Variants in TM2D2 observed in about 807,000 individuals in gnomAD.
TM2D2 encodes the protein TM2 domain-containing protein 2.
A neutral mutation model predicts 23.0 loss-of-function variants in TM2D2; 19 were observed. The observed-to-expected ratio is 0.82, with a 90% CI of 0.58 to 1.21. The LOEUF is 1.21. Ranked by LOEUF, TM2D2 falls within the 50% of genes most tolerant of loss-of-function variation. The pLI, the probability that TM2D2 is intolerant of heterozygous loss-of-function variation, is 0.00. For synonymous variants in TM2D2, 120 were observed against 108.8 expected (o/e 1.10, Z -0.64); for missense variants, 246 against 265.4 (o/e 0.93, Z 0.51).
At chr8:38,993,051 A>G (rs1835650301) in intron 3 of TM2D2, among the ~76,000 whole-genome samples, 1 of 152,182 alleles carries the variant, frequency 6.6e-6, no homozygotes, top group Admixed American at 6.5e-5. Flanking sequence ...TACTAGGGCA[A>G]TTTGCACAAG....
intron 3 of TM2D2, 101 bp from the exon 4 acceptor site, chr8:38,991,646 C>A: frequency 1.1e-6 from 1 of 870,546 alleles, no homozygotes; most frequent in Non-Finnish European, 1.8e-6. Flanking sequence ...TGCAGTGGAC[C>A]CTCTGTGGCC....
chr8:38,996,490 G>C lies in TM2D2; in HGVS notation c.-51C>G, dbSNP rs766164242. 24 of 1,609,406 alleles carry C rather than the reference G, an allele frequency of 1.5e-5. No homozygotes were observed. In the East Asian group the frequency reaches 5.1e-4, roughly 34 times the overall value. On this transcript the variant is annotated 5_prime_UTR_variant, in exon 1 of 4. Transcript: ENST00000456397. ...CGGCCTCAACCACAACCCCAGGCCA[G>C]CAGCACAGACCCAAGAACTGCGTGG... is the stretch of plus-strand genomic sequence containing the variant.
At position 38,996,254 on chromosome 8, in the gene TM2D2, T is replaced by C; in HGVS notation, c.186A>G (p.Glu62=). 1 of 1,613,864 alleles carries C rather than the reference T, an allele frequency of 6.2e-7. No individual in the cohort carries two copies. Among genetic ancestry groups the C allele is most frequent in the Non-Finnish European group, 8.5e-7 (1 of 1,179,980 alleles). ...TGACCGGAGAGTGGGGGTCGCCATA[T>C]TCCCAGCTCGCAGCACCCCCGGGGC... is the stretch of plus-strand genomic sequence containing the variant. ...PEGPGGAASW[E]YGDPHSPVIL... Residue 62 remains glutamate (E), a synonymous_variant, in exon 1 of 4, where the codon GAA becomes GAG. Coordinates refer to ENST00000456397, the MANE Select transcript of TM2D2 (RefSeq NM_078473.3).
rs1414990434 is a variant in TM2D2, at chr8:38,989,095, T to C, written c.*2237A>G. On this transcript the variant is annotated 3_prime_UTR_variant, in exon 4 of 4. Transcript: ENST00000456397. ...GTGGGCAGATGGATGATGGGTGTCA[T>C]TTACAAGTCAAATGAAAACCAGTAA... 1 of 152,228 alleles carries C rather than the reference T, an allele frequency of 6.6e-6. No homozygotes were observed. Among genetic ancestry groups the C allele is most frequent in the Non-Finnish European group, 1.5e-5 (1 of 68,036 alleles). The allele number at this position is 152,228 out of a possible 1,614,324, so 9.4% of individuals were successfully genotyped here.
rs1336508165 is a variant in TM2D2, at chr8:38,996,242, G to C, written c.198C>G (p.Pro66=). 6.2e-7 allele frequency: 1 copy of C among 1,613,762 alleles called. No individual in the cohort carries two copies. The highest frequency in any genetic ancestry group is 1.7e-5 in the Admixed American group (1 of 60,018). Residue 66 remains proline (P), a synonymous_variant, in exon 1 of 4, where the codon CCC becomes CCG. Transcript: ENST00000456397. ...GGAASWEYGD[P]HSPVILCSYL... The stretch of plus-strand genomic sequence containing the variant: ...AAGAGCAGAGGATGACCGGAGAGTG[G>C]GGGTCGCCATATTCCCAGCTCGCAG...
intron 2 of TM2D2, 128 bp from the exon 3 acceptor site, chr8:38,993,788 A>G: frequency 1.6e-6 from 1 of 611,046 alleles, no homozygotes; most frequent in Non-Finnish European, 2.9e-6. Flanking sequence ...AGGTTGAGGT[A>G]CAGCTGTGCT....
chr8:38,995,404 G>A lies in TM2D2; in HGVS notation c.229C>T (p.Pro77Ser). ...HSPVILCSYL[P>S]DEFIECEDPV... is the part of the protein sequence containing the mutation. ...TCTTCACATTCTATAAATTCATCAGGTCTGTAATTCACCAGTAAGATCATG... is the reference window on the plus strand; with the variant it reads ...TCTTCACATTCTATAAATTCATCAGATCTGTAATTCACCAGTAAGATCATG... The change falls in exon 2 of 4, where the codon CCT becomes TCT. Residue 77 changes from proline to serine, a missense_variant and splice_region_variant. Physicochemically the swap from Pro to Ser is moderately conservative, Grantham distance 74. Transcript: ENST00000456397. 1 of 1,612,306 alleles carries A rather than the reference G, an allele frequency of 6.2e-7. No individual in the cohort carries two copies. Among genetic ancestry groups the A allele is most frequent in the Non-Finnish European group, 8.5e-7 (1 of 1,179,416 alleles).
At position 38,990,065 on chromosome 8, in the gene TM2D2, A is replaced by C. The variant is rs1279944965; in HGVS notation, c.*1267T>G. ...GTCAGTGTGGTACAGAACTTTCAAG[A>C]CAGAATAGGATCATCTGTTTTAAAT... On this transcript the variant is annotated 3_prime_UTR_variant, in exon 4 of 4. Transcript: ENST00000456397. The C allele has an allele frequency of 6.6e-6, 1 of 152,222 alleles. No homozygotes were observed. Among genetic ancestry groups the C allele is most frequent in the Non-Finnish European group, 1.5e-5 (1 of 68,040 alleles). 9.4% of individuals were successfully genotyped at this position (152,222 alleles called of 1,614,324 possible). A position where few individuals can be genotyped will look rare whatever the true frequency, so the allele number is the denominator to read the frequency against.
chr8:38,996,222 C>A lies in TM2D2; in HGVS notation c.218G>T (p.Cys73Phe). ...YGDPHSPVIL[C>F]SYLPDEFIEC... ...ACCACTGGTAGCTTACAGGTAAGAG[C>A]AGAGGATGACCGGAGAGTGGGGGTC... The change falls in exon 1 of 4, where the codon TGC (cysteine) becomes TTC (phenylalanine). Residue 73 changes from cysteine (C) to phenylalanine (F), a missense_variant. Cys to Phe is a radical substitution (Grantham distance 205). Around this residue, in one of 2 missense-constraint regions of TM2D2, gnomAD observed 212 missense variants for 202.2 expected, o/e 1.05. Coordinates refer to ENST00000456397, the MANE Select transcript of TM2D2 (RefSeq NM_078473.3). 6.2e-7 allele frequency: 1 copy of A among 1,613,494 alleles called. No individual in the cohort carries two copies. The highest frequency in any genetic ancestry group is 8.5e-7 in the Non-Finnish European group (1 of 1,179,790).
chr8:38,993,131 T>C (rs1050187897), intron 3 of TM2D2, among the ~76,000 whole-genome samples: 36 of 152,214 alleles, frequency 2.4e-4, no homozygotes, highest in African/African-American at 8.7e-4. Flanking sequence ...AGGGATAAAC[T>C]GAGTGCCCAC....
rs372479827 is a variant in TM2D2 at position 38,993,502 on chromosome 8, C to T, written c.431+43G>A. 1.7e-4 allele frequency: 246 copies of T among 1,443,854 alleles called. 1 individual carries two copies. In the African/African-American group the frequency reaches 3.2e-3, roughly 19 times the overall value. The allele number at this position is 1,443,854 out of a possible 1,614,324, so 89.4% of individuals were successfully genotyped here. A position where few individuals can be genotyped will look rare whatever the true frequency, so the allele number is the denominator to read the frequency against. On this transcript the variant is annotated intron_variant, in intron 3 of 3. Transcript: ENST00000456397. ...TAAAAAGACAAGGAAAATGGCTCTA[C>T]CTCCAACCAAGTACCAACTACTCCA...
upstream of TM2D2, chr8:38,996,521 C>G: frequency 6.4e-6 from 10 of 1,566,106 alleles, no homozygotes; most frequent in Non-Finnish European, 8.7e-6. Flanking sequence ...CGTGGTCAGG[C>G]CTTTCCGCGT....
chr8:38,993,669 TAACA>T lies in TM2D2; in HGVS notation c.316-13_316-10del. 6.2e-7 allele frequency: 1 copy of T among 1,610,050 alleles called. No homozygotes were observed. Among genetic ancestry groups the T allele is most frequent in the Non-Finnish European group, 8.5e-7 (1 of 1,176,976 alleles). ...TAGGCCTGACCGCCGAACTGTGGAATAACAACCAAGACCAAAACCAACTCACCAG... is the reference window on the plus strand; with the variant it reads ...TAGGCCTGACCGCCGAACTGTGGAATACCAAGACCAAAACCAACTCACCAG... On this transcript the variant is annotated splice_polypyrimidine_tract_variant and intron_variant, in intron 2 of 3. Transcript: ENST00000456397.
At chr8:38,991,596 C>A (rs1442574795) in intron 3 of TM2D2, 51 bp from the exon 4 acceptor site, 2 of 1,386,660 alleles carry the variant, frequency 1.4e-6, no homozygotes, top group Admixed American at 1.8e-5. Flanking sequence ...AAAATTTAAA[C>A]CCTTAAGGAT....
At chr8:38,995,212 A>T in intron 2 of TM2D2, 106 bp downstream of exon 2, 2 of 815,018 alleles carry the variant, frequency 2.5e-6, no homozygotes, top group Non-Finnish European at 3.8e-6. Context: ...CTTTCTGAGG[A>T]AATTCTTCAA....
At position 38,996,431 on chromosome 8, in the gene TM2D2, T is replaced by G; in HGVS notation, c.9A>C (p.Leu3=). 1 of 1,613,966 alleles carries G rather than the reference T, an allele frequency of 6.2e-7. No homozygotes were observed. Among genetic ancestry groups the G allele is most frequent in the Non-Finnish European group, 8.5e-7 (1 of 1,179,950 alleles). The stretch of plus-strand genomic sequence containing the variant: ...GTAAGTAACTAACCGGGCAACCACC[T>G]AGCACCATCTTCCCGGGCACAGGAG... MV[L]GGCPVSYLLL... is the part of the protein sequence containing the mutation. Residue 3 remains leucine, a synonymous_variant, in exon 1 of 4, where the codon CTA becomes CTC. Transcript: ENST00000456397.
intron 3 of TM2D2, among the ~76,000 whole-genome samples, chr8:38,992,776 CACTGTTCTTAA>C (rs1371094046): frequency 6.6e-6 from 1 of 152,102 alleles, no homozygotes; most frequent in Non-Finnish European, 1.5e-5. Flanking sequence ...TCTAAGGAAG[CACTGTTCTTAA>C]ATGAACACTT....
upstream of TM2D2, chr8:38,996,809 G>T (rs1002331117): frequency 7.0e-7 from 1 of 1,430,594 alleles, no homozygotes; most frequent in South Asian, 1.5e-5. Context: ...GGTTGCCACC[G>T]CCGGTTTAGA....
chr8:38,993,695 C>T, intron 2 of TM2D2, 35 bp from the exon 3 acceptor site: 3 of 1,487,628 alleles, frequency 2.0e-6, no homozygotes, highest in Non-Finnish European at 2.8e-6. Flanking sequence ...AACCAACTCA[C>T]CAGAGCAAGT....
Sources: allele counts gnomAD v4.1 joint callset (sites outside exome capture counted in the v4.1 genomes callset), GRCh38; gene constraint gnomAD v4.1.1; regional missense constraint gnomAD v4.1.1; transcripts MANE v1.5; gene names NCBI Gene and HGNC (gene_info 2026-07-23, HGNC 2026-07-21).